Variants in HDAC9 observed in about 807,000 individuals in gnomAD.
The protein encoded by HDAC9 is MEF-2 interacting transcription repressor (MITR) protein.
In HDAC9, 41 loss-of-function variants were observed where a neutral mutation model predicts 139.4. That is an observed-to-expected ratio of 0.29 (90% confidence interval 0.23 to 0.38). HDAC9 has a LOEUF of 0.38. Ranked by LOEUF, HDAC9 falls within the 10% of genes least tolerant of loss-of-function variation. HDAC9 has a pLI of 1.00. For missense variants in HDAC9, 1,147 were observed against 1,297.0 expected (o/e 0.88, Z 1.78); for synonymous variants, 517 against 476.2 (o/e 1.09, Z -1.12).
intron 2 of HDAC9, among the ~76,000 whole-genome samples, chr7:18,573,956 G>C (rs1825155055): frequency 6.6e-6 from 1 of 152,204 alleles, no homozygotes; most frequent in African/African-American, 2.4e-5. Flanking sequence ...TTTCAGCCCT[G>C]TTCGTGTTAA....
intron 1 of HDAC9, among the ~76,000 whole-genome samples, chr7:18,425,121 A>G (rs544184875): frequency 2.8e-4 from 42 of 152,312 alleles, no homozygotes; most frequent in African/African-American, 8.7e-4. Context: ...ATAAAATAGC[A>G]TGCAGCAAGT....
chr7:18,796,690 T>C (rs1224021338), intron 17 of HDAC9, among the ~76,000 whole-genome samples: 2 of 152,232 alleles, frequency 1.3e-5, no homozygotes, highest in Non-Finnish European at 2.9e-5. Context: ...GTTTGGTGTA[T>C]TGGAAATCAT....
chr7:18,244,696 C>A (rs1310272109), intron 2 of HDAC9, among the ~76,000 whole-genome samples: 1 of 151,954 alleles, frequency 6.6e-6, no homozygotes, highest in Admixed American at 6.6e-5. Flanking sequence ...TACTCGGGAG[C>A]CTGAGGCGGG....
At chr7:18,344,041 A>C (rs1311668773) in intron 1 of HDAC9, among the ~76,000 whole-genome samples, 1 of 151,860 alleles carries the variant, frequency 6.6e-6, no homozygotes, top group Non-Finnish European at 1.5e-5. Context: ...TGAGCAATTC[A>C]ATAGAAATAT....
intron 19 of HDAC9, among the ~76,000 whole-genome samples, chr7:18,831,617 C>T (rs796743620): frequency 2.0e-5 from 3 of 152,242 alleles, no homozygotes; most frequent in African/African-American, 7.2e-5. Flanking sequence ...CATATTCTTA[C>T]TTTCAAGTCT....
intron 1 of HDAC9, among the ~76,000 whole-genome samples, chr7:18,482,136 A>T (rs1363217736): frequency 6.6e-6 from 1 of 151,912 alleles, no homozygotes; most frequent in Non-Finnish European, 1.5e-5. Flanking sequence ...TCTCTGCAAA[A>T]TTAAGGTGAT....
chr7:18,568,873 C>A (rs975522643), intron 2 of HDAC9, among the ~76,000 whole-genome samples: 2 of 152,032 alleles, frequency 1.3e-5, no homozygotes, highest in East Asian at 3.9e-4. Flanking sequence ...TATAGAGAAA[C>A]CTCCTCTCTA....
chr7:18,167,212 A>G (rs190052193), intron 2 of HDAC9, among the ~76,000 whole-genome samples: 286 of 150,070 alleles, frequency 1.9e-3, no homozygotes, highest in Non-Finnish European at 3.4e-3. Context: ...TTTTTTTACT[A>G]CTTTAACTTC....
chr7:18,775,707 C>A (rs1374375680), intron 16 of HDAC9, among the ~76,000 whole-genome samples: 1 of 150,850 alleles, frequency 6.6e-6, no homozygotes, highest in African/African-American at 2.4e-5. Context: ...CTTTTCAATT[C>A]CCACTCATGT....
rs1030757098 is a variant in HDAC9, at chr7:18,506,983, G to A, written c.22+10659G>A. ...CTTTGTGTGCTTAATTCAAACCTTAGCAATTGTTACTTTGCTCTAAAATTA... is the reference window on the plus strand; with the variant it reads ...CTTTGTGTGCTTAATTCAAACCTTAACAATTGTTACTTTGCTCTAAAATTA... On this transcript the variant is annotated intron_variant, in intron 2 of 25. Coordinates refer to ENST00000686413, the MANE Select transcript of HDAC9 (RefSeq NM_178425.4). Among the ~76,000 whole-genome samples, 6 of 151,962 alleles carry A rather than the reference G, an allele frequency of 3.9e-5. No homozygotes were observed. The South Asian group carries it at 6.2e-4, about 16-fold the overall frequency.
At chr7:18,641,146 A>T (rs1174094451) in intron 8 of HDAC9, among the ~76,000 whole-genome samples, 1 of 152,094 alleles carries the variant, frequency 6.6e-6, no homozygotes, top group Non-Finnish European at 1.5e-5. Flanking sequence ...GGCTTAATTT[A>T]AATTCCACAT....
intron 22 of HDAC9, among the ~76,000 whole-genome samples, chr7:18,902,570 C>T (rs1801829041): frequency 6.6e-6 from 1 of 152,228 alleles, no homozygotes; most frequent in Admixed American, 6.5e-5. Context: ...CCCCCTCTAA[C>T]AATATTTTAT....
At chr7:18,550,483 A>T (rs983689640) in intron 2 of HDAC9, among the ~76,000 whole-genome samples, 6 of 152,214 alleles carry the variant, frequency 3.9e-5, no homozygotes, top group Non-Finnish European at 8.8e-5. Flanking sequence ...TAAAGCTTAC[A>T]TTACAAGAGG....
chr7:18,157,711 TA>T (rs1787311834), intron 1 of HDAC9, among the ~76,000 whole-genome samples: 1 of 151,940 alleles, frequency 6.6e-6, no homozygotes, highest in African/African-American at 2.4e-5. Context: ...ATGTGCTCAG[TA>T]AGGGTTGTTG....
At chr7:18,726,752 T>A (rs1228149058) in intron 12 of HDAC9, among the ~76,000 whole-genome samples, 1 of 151,084 alleles carries the variant, frequency 6.6e-6, no homozygotes, top group Admixed American at 6.6e-5. Flanking sequence ...ATATTTAAAA[T>A]ATATATTTTG....
At chr7:18,528,386 G>GA (rs1247155035) in intron 2 of HDAC9, among the ~76,000 whole-genome samples, 3 of 151,588 alleles carry the variant, frequency 2.0e-5, no homozygotes, top group Non-Finnish European at 2.9e-5. Context: ...AGTGAAAACA[G>GA]AAAAAAATTA....
At chr7:18,273,953 G>A (rs938399874) in intron 2 of HDAC9, among the ~76,000 whole-genome samples, 1 of 152,190 alleles carries the variant, frequency 6.6e-6, no homozygotes, top group Middle Eastern at 3.4e-3. Flanking sequence ...GTGAAGATAC[G>A]GAGCAGTAGG....
chr7:18,320,318 G>A (rs532228769), intron 1 of HDAC9, among the ~76,000 whole-genome samples: 1 of 152,164 alleles, frequency 6.6e-6, no homozygotes, highest in Non-Finnish European at 1.5e-5. Context: ...CCTCCACAAG[G>A]CTTCGAAATC....
intron 2 of HDAC9, among the ~76,000 whole-genome samples, chr7:18,539,667 TTTGTTG>T (rs371576433): frequency 5.6e-4 from 85 of 151,644 alleles, no homozygotes; most frequent in Middle Eastern, 3.4e-3. Flanking sequence ...AAACAAAAAG[TTTGTTG>T]TTGTTGTTGT....
Sources: allele counts gnomAD v4.1 joint callset (sites outside exome capture counted in the v4.1 genomes callset), GRCh38; gene constraint gnomAD v4.1.1; transcripts MANE v1.5; gene names NCBI Gene and HGNC (gene_info 2026-07-23, HGNC 2026-07-21).